Variants in PXDNL observed in about 807,000 individuals in gnomAD.
PXDNL encodes peroxidasin like, also known as probable oxidoreductase PXDNL.
A neutral mutation model predicts 150.8 loss-of-function variants in PXDNL; 145 were observed. That is an observed-to-expected ratio of 0.96 (90% CI 0.84 to 1.10). The LOEUF is 1.10. PXDNL is among the 50% of genes least tolerant of loss of function. The probability of loss-of-function intolerance (pLI) is 0.00; values close to 1 mark genes in which losing one functional copy is unlikely to be tolerated. For synonymous variants in PXDNL, 757 were observed against 725.7 expected (o/e 1.04, Z -0.69); for missense variants, 2,087 against 1,873.9 (o/e 1.11, Z -2.10).
intron 4 of PXDNL, among the ~76,000 whole-genome samples, chr8:51,527,897 G>A (rs966521891): frequency 3.4e-5 from 5 of 148,098 alleles, no homozygotes; most frequent in African/African-American, 1.2e-4. Context: ...GTGTGGATCC[G>A]GGGCCCAGCT....
At chr8:51,781,438 C>A (rs1378791413) in intron 1 of PXDNL, among the ~76,000 whole-genome samples, 4 of 152,176 alleles carry the variant, frequency 2.6e-5, no homozygotes, top group Admixed American at 2.0e-4. Context: ...GCGAAGTCAC[C>A]ATCAGCTGGG....
At chr8:51,361,492 T>C (rs961494495) in intron 19 of PXDNL, among the ~76,000 whole-genome samples, 1 of 152,206 alleles carries the variant, frequency 6.6e-6, no homozygotes, top group African/African-American at 2.4e-5. Flanking sequence ...AGATCCTTAG[T>C]TTCTAAAGAA....
At chr8:51,726,648 A>C (rs1238377656) in intron 1 of PXDNL, among the ~76,000 whole-genome samples, 1 of 152,232 alleles carries the variant, frequency 6.6e-6, no homozygotes, top group Non-Finnish European at 1.5e-5. Context: ...TAGAATGTTC[A>C]ACGTTACATG....
chr8:51,367,631 T>C (rs1806962678), intron 19 of PXDNL, among the ~76,000 whole-genome samples: 1 of 152,186 alleles, frequency 6.6e-6, no homozygotes, highest in African/African-American at 2.4e-5. Context: ...GCTGCATGAA[T>C]TTTGGTATAT....
At chr8:51,556,398 C>A (rs1206228819) in intron 4 of PXDNL, among the ~76,000 whole-genome samples, 1 of 152,066 alleles carries the variant, frequency 6.6e-6, no homozygotes, top group African/African-American at 2.4e-5. Flanking sequence ...GTTCTAATGT[C>A]AGTTAAAAGC....
intron 1 of PXDNL, among the ~76,000 whole-genome samples, chr8:51,793,628 C>T (rs1309599313): frequency 6.6e-6 from 1 of 152,146 alleles, no homozygotes; most frequent in Non-Finnish European, 1.5e-5. Context: ...AGGACTCACG[C>T]CTGTAATCCC....
chr8:51,509,888 T>G (rs1015337161), intron 4 of PXDNL, among the ~76,000 whole-genome samples: 3 of 151,828 alleles, frequency 2.0e-5, no homozygotes, highest in Admixed American at 1.3e-4. Flanking sequence ...GCTTGTTCAT[T>G]TATTAGTTTT....
intron 4 of PXDNL, among the ~76,000 whole-genome samples, chr8:51,542,505 A>AG (rs1388487257): frequency 1.3e-5 from 2 of 151,820 alleles, no homozygotes; most frequent in Non-Finnish European, 2.9e-5. Flanking sequence ...TAAAAAAAAA[A>AG]AAAAAGAGAG....
intron 4 of PXDNL, among the ~76,000 whole-genome samples, chr8:51,504,029 G>A (rs79078197): frequency 0.012 from 1,862 of 151,804 alleles, 38 homozygotes; most frequent in African/African-American, 0.043. Flanking sequence ...ATCTATTTGC[G>A]CAACTCAGAA....
intron 20 of PXDNL, 44 bp from the exon 21 acceptor site, chr8:51,339,797 CGT>C (rs780511004): frequency 6.4e-6 from 10 of 1,567,302 alleles, no homozygotes; most frequent in Non-Finnish European, 8.7e-6. Flanking sequence ...AAATAAAAGT[CGT>C]GTGAGAATTT....
chr8:51,534,297 C>T (rs1811999040), intron 4 of PXDNL, among the ~76,000 whole-genome samples: 1 of 144,908 alleles, frequency 6.9e-6, no homozygotes. Flanking sequence ...GCAGCCACCC[C>T]GTCTGGGAAG....
intron 8 of PXDNL, among the ~76,000 whole-genome samples, chr8:51,466,160 G>T (rs1810200448): frequency 6.6e-6 from 1 of 151,964 alleles, no homozygotes; most frequent in African/African-American, 2.4e-5. Context: ...TATTCTACAA[G>T]GCTACACTAA....
At chr8:51,717,077 G>A (rs1816629288) in intron 1 of PXDNL, among the ~76,000 whole-genome samples, 2 of 152,152 alleles carry the variant, frequency 1.3e-5, no homozygotes, top group African/African-American at 2.4e-5. Context: ...CAGTGACAAC[G>A]TTTGTGCTTT....
At chr8:51,787,362 C>T (rs2129253227) in intron 1 of PXDNL, among the ~76,000 whole-genome samples, 1 of 152,314 alleles carries the variant, frequency 6.6e-6, no homozygotes, top group Non-Finnish European at 1.5e-5. Context: ...TGAAAACCTT[C>T]TGGAAAAGAT....
intron 4 of PXDNL, among the ~76,000 whole-genome samples, chr8:51,522,520 G>A (rs1158356104): frequency 1.3e-5 from 2 of 152,158 alleles, no homozygotes; most frequent in Admixed American, 1.3e-4. Context: ...AATATAATAT[G>A]TCCATTTTCT....
intron 15 of PXDNL, among the ~76,000 whole-genome samples, chr8:51,411,665 A>C (rs1313955790): frequency 2.6e-5 from 4 of 152,188 alleles, no homozygotes; most frequent in Admixed American, 6.5e-5. Context: ...TAGTTTTAGG[A>C]AACAACATCT....
At chr8:51,574,492 A>T (rs1813009889) in intron 3 of PXDNL, among the ~76,000 whole-genome samples, 2 of 151,962 alleles carry the variant, frequency 1.3e-5, no homozygotes, top group Non-Finnish European at 2.9e-5. Flanking sequence ...AAAAAGGATG[A>T]GGCTAAAAAG....
chr8:51,594,599 TCAAA>T (rs951503971), intron 2 of PXDNL, among the ~76,000 whole-genome samples: 1 of 152,188 alleles, frequency 6.6e-6, no homozygotes, highest in Non-Finnish European at 1.5e-5. Context: ...AAGTATGAGA[TCAAA>T]CAATTTAACT....
At chr8:51,498,868 G>C (rs982822649) in intron 5 of PXDNL, among the ~76,000 whole-genome samples, 1 of 152,154 alleles carries the variant, frequency 6.6e-6, no homozygotes, top group Non-Finnish European at 1.5e-5. Context: ...ATTATTCTCA[G>C]AATGTTTCTG....
Sources: gnomAD v4.1 joint callset for allele counts (sites outside exome capture counted in the v4.1 genomes callset) on GRCh38, gnomAD v4.1.1 for gene constraint, MANE v1.5 for transcripts, NCBI Gene and HGNC (gene_info 2026-07-23, HGNC 2026-07-21) for gene names.